The following ERLIN2 variants were observed in gnomAD, a reference collection of about 807,000 sequenced individuals.
ERLIN2 encodes the protein ER lipid raft associated 2.
Under a neutral mutation model 41.5 loss-of-function variants are expected in ERLIN2, and 22 were observed. The ratio of observed to expected loss-of-function variants is 0.53; its 90% CI spans 0.38 to 0.76. The LOEUF (loss-of-function observed/expected upper bound fraction) is 0.76. Ranked by LOEUF, ERLIN2 falls within the 30% of genes least tolerant of loss-of-function variation. ERLIN2 has a pLI of 0.00. For missense variants in ERLIN2, 247 were observed against 414.3 expected, an observed-to-expected ratio of 0.60 and a Z score of 3.51; for synonymous variants, 149 against 150.9, an observed-to-expected ratio of 0.99 and a Z score of 0.09.
rs1176117493 is a variant in ERLIN2, at chr8:37,753,507, T to C, written c.797T>C (p.Met266Thr). ...GCAGATGCTGAGTGCTACACTGCTA[T>C]GAAAATAGCCGAAGCCAATAAGGTA... ...AKADAECYTAMKIAEANKLKL... is the reference protein window; with the variant it reads ...AKADAECYTATKIAEANKLKL... Residue 266 changes from methionine (M) to threonine (T), a missense_variant, in exon 11 of 12, where the codon ATG becomes ACG. Around this residue, in one of 3 missense-constraint regions of ERLIN2, gnomAD observed 153 missense variants for 256.4 expected, o/e 0.60. Coordinates refer to ENST00000519638, the MANE Select transcript of ERLIN2 (RefSeq NM_007175.8). The C allele has an allele frequency of 6.2e-7, 1 of 1,614,128 alleles. No homozygotes were observed. The highest frequency in any genetic ancestry group is 1.7e-5 in the Admixed American group (1 of 60,020).
chr8:37,748,081 G>A (rs112468369), intron 6 of ERLIN2: 3 of 1,143,688 alleles, frequency 2.6e-6, no homozygotes, highest in African/African-American at 1.5e-5. Context: ...CGCGCCTTGC[G>A]CCTTTTCCCT....
intron 4 of ERLIN2, among the ~76,000 whole-genome samples, chr8:37,743,746 C>A (rs1310408434): frequency 6.6e-6 from 1 of 151,818 alleles, no homozygotes; most frequent in Admixed American, 6.6e-5. Flanking sequence ...AGACAGTGCT[C>A]ACCAAAGTAA....
chr8:37,747,916 T>A (rs1029960299), intron 6 of ERLIN2: 9 of 1,614,002 alleles, frequency 5.6e-6, no homozygotes, highest in Non-Finnish European at 6.8e-6. Flanking sequence ...CAAACAGTAG[T>A]ACACATGGAG....
chr8:37,757,849 T>C lies in ERLIN2; in HGVS notation c.*3734T>C, dbSNP rs1563320182. On this transcript the variant is annotated 3_prime_UTR_variant, in exon 12 of 12. Transcript: ENST00000519638. ...ATTCTTGGTAGGTGCTATAGAGATTTATCATTTTAAACAGTTCACACACCA... is the reference window on the plus strand; with the variant it reads ...ATTCTTGGTAGGTGCTATAGAGATTCATCATTTTAAACAGTTCACACACCA... The C allele has an allele frequency of 1.3e-5, 2 of 152,196 alleles. No individual in the cohort carries two copies. The highest frequency in any genetic ancestry group is 2.9e-5 in the Non-Finnish European group (2 of 68,032). 9.4% of individuals were successfully genotyped at this position (152,196 alleles called of 1,614,324 possible).
At chr8:37,747,810 G>A in intron 6 of ERLIN2, 1 of 1,614,106 alleles carries the variant, frequency 6.2e-7, no homozygotes, top group South Asian at 1.1e-5. Context: ...AAAACTTATG[G>A]GCATGTTTGG....
chr8:37,747,566 G>T, intron 6 of ERLIN2: 1 of 1,612,242 alleles, frequency 6.2e-7, no homozygotes. Context: ...TCTTTGGTCC[G>T]TTTGGTCATC....
chr8:37,749,049 G>T (rs1048661083), intron 6 of ERLIN2, among the ~76,000 whole-genome samples: 4 of 152,108 alleles, frequency 2.6e-5, no homozygotes, highest in Admixed American at 6.5e-5. Context: ...TCTTCCTTGG[G>T]GCTCTCCTTG....
At chr8:37,742,291 A>G (rs1363622398) in intron 4 of ERLIN2, among the ~76,000 whole-genome samples, 1 of 151,826 alleles carries the variant, frequency 6.6e-6, no homozygotes, top group Admixed American at 6.6e-5. Context: ...CAGTGAGCCA[A>G]GATCACACAA....
At position 37,743,899 on chromosome 8, in the gene ERLIN2, T is replaced by C. The variant is rs75917241; in HGVS notation, c.237-456T>C. Among the ~76,000 whole-genome samples the C allele has an allele frequency of 9.7e-3, 1,477 of 152,336 alleles. 17 individuals are homozygous for C. Among genetic ancestry groups the C allele is most frequent in the African/African-American group, 0.034 (1,408 of 41,572 alleles). On this transcript the variant is annotated intron_variant, in intron 4 of 11. Transcript: ENST00000519638. ...ATACTACTCTTTCGGCTTCTCTATG[T>C]TTGAAATCTTTTTATAATAAATATT...
Position 37,754,734 on chromosome 8 carries a change from C to T in ERLIN2, c.*619C>T, listed in dbSNP as rs1365748994. On this transcript the variant is annotated 3_prime_UTR_variant, in exon 12 of 12. Transcript: ENST00000519638. The stretch of plus-strand genomic sequence containing the variant: ...GATTTTGTATACACTTTGCTCCTTG[C>T]CCTAGGGCTCAGAGTGGTGGTTTCT... The T allele has an allele frequency of 6.3e-6, 1 of 158,970 alleles. No individual in the cohort carries two copies. Among genetic ancestry groups the T allele is most frequent in the African/African-American group, 2.4e-5 (1 of 41,462 alleles). The allele number at this position is 158,970 out of a possible 1,614,324, so 9.8% of individuals were successfully genotyped here. A position where few individuals can be genotyped will look rare whatever the true frequency, so the allele number is the denominator to read the frequency against.
rs1803338250 is a variant in ERLIN2, at chr8:37,755,570, C to CCCCCCA, written c.*1460_*1461insACCCCC. The CCCCCCA allele has an allele frequency of 4.9e-4, 3 of 6,154 alleles. No individual in the cohort carries two copies. Among genetic ancestry groups the CCCCCCA allele is most frequent in the Non-Finnish European group, 9.5e-4 (3 of 3,154 alleles). The allele number at this position is 6,154 out of a possible 1,614,324, so 0.4% of individuals were successfully genotyped here. On this transcript the variant is annotated 3_prime_UTR_variant, in exon 12 of 12. Transcript: ENST00000519638. ...GCTGACCCCCACCCCCCACCCCCCA[C>CCCCCCA]CCCCCCCCCCCGCCAACTCCTATAC...
chr8:37,738,164 T>C, intron 2 of ERLIN2, 135 bp downstream of exon 2: 1 of 941,238 alleles, frequency 1.1e-6, no homozygotes, highest in South Asian at 1.4e-5. Context: ...CAGATGGAGC[T>C]TTTTATGTCA....
rs1563320284 is a variant in ERLIN2 at position 37,758,145 on chromosome 8, T to C, written c.*4030T>C. 1 of 152,268 alleles carries C rather than the reference T, an allele frequency of 6.6e-6. No individual in the cohort carries two copies. The highest frequency in any genetic ancestry group is 1.5e-5 in the Non-Finnish European group (1 of 68,036). The allele number at this position is 152,268 out of a possible 1,614,324, so 9.4% of individuals were successfully genotyped here. On this transcript the variant is annotated 3_prime_UTR_variant, in exon 12 of 12. Coordinates refer to ENST00000519638, the MANE Select transcript of ERLIN2 (RefSeq NM_007175.8). ...TTCATATTTAACTGGGTATCCTGTA[T>C]TTTTACTTGTTAAGTCCGGCAACCC...
At chr8:37,745,564 A>T in intron 6 of ERLIN2, 1 of 1,613,956 alleles carries the variant, frequency 6.2e-7, no homozygotes, top group Non-Finnish European at 8.5e-7. Flanking sequence ...TGTTCTTGAC[A>T]CTAGGACTGG....
rs1803329060 is a variant in ERLIN2 at position 37,755,293 on chromosome 8, C to T, written c.*1178C>T. The T allele has an allele frequency of 6.6e-6, 1 of 152,240 alleles. No individual in the cohort carries two copies. Among genetic ancestry groups the T allele is most frequent in the East Asian group, 1.9e-4 (1 of 5,192 alleles). 9.4% of individuals were successfully genotyped at this position (152,240 alleles called of 1,614,324 possible). Reference sequence around the variant, plus strand: ...AGGTTGGAATGGCTGTGCCAAAATCCATTCAAAGGGTTTTCTTTTTCATTA... The same window carrying T: ...AGGTTGGAATGGCTGTGCCAAAATCTATTCAAAGGGTTTTCTTTTTCATTA... On this transcript the variant is annotated 3_prime_UTR_variant, in exon 12 of 12. Coordinates refer to ENST00000519638, the MANE Select transcript of ERLIN2 (RefSeq NM_007175.8).
chr8:37,739,801 GCTGT>G (rs1006555624), intron 2 of ERLIN2, among the ~76,000 whole-genome samples: 3 of 150,520 alleles, frequency 2.0e-5, no homozygotes, highest in Admixed American at 6.6e-5. Flanking sequence ...CATGGATTCT[GCTGT>G]CTTTTTCTTT....
chr8:37,746,486 A>G (rs891504191), intron 6 of ERLIN2: 3 of 981,324 alleles, frequency 3.1e-6, no homozygotes, highest in Non-Finnish European at 3.6e-6. Flanking sequence ...GTGACATAAA[A>G]TAATACCTAT....
chr8:37,746,546 A>T (rs1470498001), intron 6 of ERLIN2: 1 of 965,458 alleles, frequency 1.0e-6, no homozygotes. Context: ...AAGATACACA[A>T]CAGATCATTT....
chr8:37,744,925 T>C, intron 6 of ERLIN2: 1 of 670,150 alleles, frequency 1.5e-6, no homozygotes, highest in Non-Finnish European at 2.7e-6. Context: ...GGGACCATAG[T>C]GGAGTAGAGT....
Sources: gnomAD v4.1 joint callset for allele counts (sites outside exome capture counted in the v4.1 genomes callset) on GRCh38, gnomAD v4.1.1 for gene constraint, gnomAD v4.1.1 regional missense constraint, MANE v1.5 for transcripts, NCBI Gene and HGNC (gene_info 2026-07-23, HGNC 2026-07-21) for gene names.